Variants in ERC1 observed in about 807,000 individuals in gnomAD.
ERC1 encodes RAB6 interacting protein 2.
A neutral mutation model predicts 132.0 loss-of-function variants in ERC1; 56 were observed. The ratio of observed to expected loss-of-function variants is 0.42; its 90% CI spans 0.34 to 0.53. ERC1 has a LOEUF of 0.53. Among genes scored for constraint, ERC1 ranks in the 20% least tolerant of loss-of-function variants. ERC1 has a pLI of 0.03. For missense variants in ERC1, 1,202 were observed against 1,349.9 expected (o/e 0.89, Z 1.72); for synonymous variants, 478 against 476.1 (o/e 1.00, Z -0.05).
chr12:1,453,162 T>C (rs1474393763), intron 18 of ERC1, among the ~76,000 whole-genome samples: 1 of 152,188 alleles, frequency 6.6e-6, no homozygotes, highest in Non-Finnish European at 1.5e-5. Context: ...GTCTTGGTAC[T>C]TCTGTCCCAC....
chr12:1,080,273 A>T (rs1941994517), intron 2 of ERC1, among the ~76,000 whole-genome samples: 1 of 152,022 alleles, frequency 6.6e-6, no homozygotes, highest in Admixed American at 6.6e-5. Flanking sequence ...TTAAACAATA[A>T]CTCCTCGTTC....
chr12:1,166,265 GTC>G (rs528563082), intron 8 of ERC1, among the ~76,000 whole-genome samples: 64 of 152,166 alleles, frequency 4.2e-4, no homozygotes, highest in Non-Finnish European at 7.8e-4. Context: ...TAGTGAATAA[GTC>G]TCACGAGATC....
chr12:1,065,597 GC>G (rs1394610541), intron 2 of ERC1, among the ~76,000 whole-genome samples: 7 of 48,438 alleles, frequency 1.4e-4, no homozygotes, highest in East Asian at 1.1e-3. Flanking sequence ...TTTTTTTGGG[GC>G]GGGGGGGGAC....
In ERC1 at chr12:1,444,540, T is replaced by G. The variant is rs140235794; in HGVS notation, c.3025-22T>G. On this transcript the variant is annotated intron_variant, in intron 17 of 18. Transcript: ENST00000360905. The stretch of plus-strand genomic sequence containing the variant: ...TTGACTTTCCTCATTTTATTTTATT[T>G]TATTTTATTTTTTTGCCTTAGATCA... 5.1e-4 allele frequency: 782 copies of G among 1,525,266 alleles called. 5 individuals are homozygous for G. In the African/African-American group the frequency reaches 9.4e-3, roughly 18 times the overall value. The allele number at this position is 1,525,266 out of a possible 1,614,324, so 94.5% of individuals were successfully genotyped here.
At chr12:1,439,928 C>G (rs12303124) in intron 17 of ERC1, among the ~76,000 whole-genome samples, 14,570 of 152,120 alleles carry the variant, frequency 0.096, 1,692 homozygotes, top group African/African-American at 0.28. Context: ...GGGCATTTCC[C>G]ACATGATTGA....
intron 17 of ERC1, chr12:1,443,614 T>G (rs1267243228): frequency 2.0e-5 from 3 of 152,366 alleles, no homozygotes; most frequent in Non-Finnish European, 2.9e-5. Flanking sequence ...CTGCTGTGTG[T>G]CAAGCAGGGG....
At chr12:1,075,909 A>G (rs1029545054) in intron 2 of ERC1, among the ~76,000 whole-genome samples, 4 of 152,218 alleles carry the variant, frequency 2.6e-5, no homozygotes, top group African/African-American at 4.8e-5. Flanking sequence ...AAGAAAATCC[A>G]TGTGTCAGCA....
At chr12:1,235,402 G>A (rs1437516122) in intron 12 of ERC1, among the ~76,000 whole-genome samples, 1 of 152,158 alleles carries the variant, frequency 6.6e-6, no homozygotes, top group East Asian at 1.9e-4. Flanking sequence ...AAGATGTAAA[G>A]AAATCATAGA....
rs570808645 is a variant in ERC1 at position 1,371,003 on chromosome 12, A to G, written c.2781-830A>G. Among the ~76,000 whole-genome samples, 10 of 152,292 alleles carry G rather than the reference A, an allele frequency of 6.6e-5. No homozygotes were observed. The East Asian group carries it at 1.9e-3, about 29-fold the overall frequency. ...GCTGGGATTACAGGCGCGAGCCACCACGCCTGGCCTGAATATTTTTTAAAC... is the reference window on the plus strand; with the variant it reads ...GCTGGGATTACAGGCGCGAGCCACCGCGCCTGGCCTGAATATTTTTTAAAC... On this transcript the variant is annotated intron_variant, in intron 15 of 18. Transcript: ENST00000360905.
At chr12:1,165,012 G>T (rs1952262893) in intron 8 of ERC1, among the ~76,000 whole-genome samples, 1 of 152,136 alleles carries the variant, frequency 6.6e-6, no homozygotes, top group South Asian at 2.1e-4. Context: ...CTCCAAACCA[G>T]AAAGAATTCT....
intron 2 of ERC1, among the ~76,000 whole-genome samples, chr12:1,047,202 CTATT>C (rs1971207479): frequency 6.6e-6 from 1 of 152,100 alleles, no homozygotes; most frequent in African/African-American, 2.4e-5. Flanking sequence ...ATAAATTACA[CTATT>C]AACTTGGTGG....
intron 16 of ERC1, among the ~76,000 whole-genome samples, chr12:1,407,522 T>C (rs2091577728): frequency 2.0e-5 from 3 of 148,848 alleles, no homozygotes; most frequent in Admixed American, 1.3e-4. Flanking sequence ...CCCTGTCTCT[T>C]TATTTTATTT....
intron 12 of ERC1, among the ~76,000 whole-genome samples, chr12:1,229,435 A>T (rs371764780): frequency 1.3e-5 from 2 of 152,210 alleles, no homozygotes; most frequent in African/African-American, 2.4e-5. Flanking sequence ...CAGAATTTTG[A>T]TGAACTATGA....
chr12:1,046,682 A>G (rs1971130131), intron 2 of ERC1, among the ~76,000 whole-genome samples: 1 of 152,178 alleles, frequency 6.6e-6, no homozygotes, highest in Non-Finnish European at 1.5e-5. Flanking sequence ...AGTGTTTACT[A>G]AGAAACAGGC....
chr12:1,149,832 A>G (rs908762812), intron 8 of ERC1, among the ~76,000 whole-genome samples: 2 of 152,198 alleles, frequency 1.3e-5, no homozygotes, highest in African/African-American at 4.8e-5. Context: ...TTCAGATTGA[A>G]TATTATTATT....
chr12:1,003,368 A>G (rs1420925657), intron 1 of ERC1, among the ~76,000 whole-genome samples: 1 of 152,292 alleles, frequency 6.6e-6, no homozygotes, highest in East Asian at 1.9e-4. Context: ...TCTAAGATCA[A>G]TGTTATTTTC....
At chr12:1,117,576 G>T (rs1188944366) in intron 7 of ERC1, among the ~76,000 whole-genome samples, 1 of 152,150 alleles carries the variant, frequency 6.6e-6, no homozygotes, top group African/African-American at 2.4e-5. Context: ...TATGAGTCGC[G>T]TGATCCTGGG....
chr12:1,112,178 G>T, intron 5 of ERC1, 37 bp from the exon 6 acceptor site: 1 of 1,428,762 alleles, frequency 7.0e-7, no homozygotes, highest in South Asian at 1.2e-5. Flanking sequence ...GACCTAAGTT[G>T]ACACATAAGT....
rs1259878490 is a variant in ERC1 at position 1,299,958 on chromosome 12, A to T, written c.2780+9946A>T. Among the ~76,000 whole-genome samples the T allele has an allele frequency of 2.0e-5, 3 of 152,352 alleles. No homozygotes were observed. The East Asian group carries it at 5.8e-4, about 29-fold the overall frequency. The stretch of plus-strand genomic sequence containing the variant: ...AAAAGTGAGCAGGCCTTTATCTATT[A>T]AAGAAATTGAATTTGTCATATGGAA... On this transcript the variant is annotated intron_variant, in intron 15 of 18. Coordinates refer to ENST00000360905, the MANE Select transcript of ERC1 (RefSeq NM_178040.4).
Sources: allele counts gnomAD v4.1 joint callset (sites outside exome capture counted in the v4.1 genomes callset), GRCh38; gene constraint gnomAD v4.1.1; transcripts MANE v1.5; gene names NCBI Gene and HGNC (gene_info 2026-07-23, HGNC 2026-07-21).